Variants in ARHGAP26 observed in about 807,000 individuals in gnomAD.
ARHGAP26 encodes rho GTPase-activating protein 26.
ARHGAP26 carries 38 observed loss-of-function variants against 104.8 expected under a neutral mutation model. The ratio of observed to expected loss-of-function variants is 0.36; its 90% CI spans 0.28 to 0.48. ARHGAP26 has a LOEUF of 0.48. ARHGAP26 is among the 20% of genes least tolerant of loss of function. The pLI, the probability that ARHGAP26 is intolerant of heterozygous loss-of-function variation, is 0.99. For missense variants in ARHGAP26, 704 were observed against 947.9 expected (o/e 0.74, Z 3.38); for synonymous variants, 341 against 340.0 (o/e 1.00, Z -0.03).
At chr5:142,951,707 G>A (rs1442604200) in intron 11 of ARHGAP26, among the ~76,000 whole-genome samples, 1 of 152,182 alleles carries the variant, frequency 6.6e-6, no homozygotes, top group East Asian at 1.9e-4. Flanking sequence ...GTAGAGGAGG[G>A]CCCTATCTTA....
At chr5:142,893,693 G>C (rs574923471) in intron 5 of ARHGAP26, among the ~76,000 whole-genome samples, 4 of 152,222 alleles carry the variant, frequency 2.6e-5, no homozygotes, top group African/African-American at 9.6e-5. Flanking sequence ...CATAATAGTT[G>C]TACTAATTTA....
chr5:142,798,679 C>T (rs982742025), intron 1 of ARHGAP26, among the ~76,000 whole-genome samples: 11 of 152,186 alleles, frequency 7.2e-5, no homozygotes, highest in East Asian at 1.9e-4. Flanking sequence ...AAAGAGTTTC[C>T]GCCCAGGACC....
intron 13 of ARHGAP26, 164 bp from the exon 14 acceptor site, chr5:143,041,652 C>T (rs1220853937): frequency 6.6e-6 from 4 of 603,400 alleles, no homozygotes; most frequent in South Asian, 4.1e-5. Context: ...AAATCCCACT[C>T]GTTTGCTAAG....
chr5:143,181,387 CTG>C (rs1280602692), intron 20 of ARHGAP26, among the ~76,000 whole-genome samples: 1 of 152,262 alleles, frequency 6.6e-6, no homozygotes, highest in Non-Finnish European at 1.5e-5. Context: ...CTGGGGAACA[CTG>C]TGTTCTTAAA....
intron 17 of ARHGAP26, among the ~76,000 whole-genome samples, chr5:143,089,508 T>C (rs1177876748): frequency 6.6e-6 from 1 of 152,178 alleles, no homozygotes; most frequent in Non-Finnish European, 1.5e-5. Context: ...GGTGGTGGTG[T>C]TTTGGGATGA....
chr5:143,073,901 G>A (rs1225581542), intron 17 of ARHGAP26, among the ~76,000 whole-genome samples: 1 of 152,216 alleles, frequency 6.6e-6, no homozygotes, highest in Non-Finnish European at 1.5e-5. Context: ...ATTTTATACA[G>A]CAGGACTGGG....
chr5:142,992,134 A>AT (rs1293516153), intron 11 of ARHGAP26, among the ~76,000 whole-genome samples: 3 of 150,800 alleles, frequency 2.0e-5, no homozygotes, highest in East Asian at 2.0e-4. Flanking sequence ...TCCTTTGTAC[A>AT]TTTTTTTTCT....
intron 20 of ARHGAP26, among the ~76,000 whole-genome samples, chr5:143,163,258 A>G (rs1801491130): frequency 6.6e-6 from 1 of 152,196 alleles, no homozygotes; most frequent in Non-Finnish European, 1.5e-5. Flanking sequence ...TTAAGTGGTA[A>G]GTGAGCAGTT....
chr5:143,104,851 T>C (rs2398611), intron 17 of ARHGAP26, among the ~76,000 whole-genome samples: 118,467 of 152,204 alleles, frequency 0.78, 49,249 homozygotes, highest in Non-Finnish European at 0.92. Context: ...TATGAGTGTG[T>C]GTGTGTCTGA....
At chr5:143,135,667 G>A (rs1018013294) in intron 19 of ARHGAP26, among the ~76,000 whole-genome samples, 4 of 152,044 alleles carry the variant, frequency 2.6e-5, no homozygotes, top group African/African-American at 4.8e-5. Context: ...AGCATCATTC[G>A]GGTTGTTTCA....
chr5:142,797,934 G>A (rs1320576878), intron 1 of ARHGAP26, among the ~76,000 whole-genome samples: 4 of 152,212 alleles, frequency 2.6e-5, no homozygotes, highest in African/African-American at 9.6e-5. Context: ...TGTTCATGCT[G>A]CTGAGTTGCC....
chr5:143,018,158 A>G (rs750314586), intron 12 of ARHGAP26, among the ~76,000 whole-genome samples: 3 of 152,224 alleles, frequency 2.0e-5, no homozygotes, highest in Non-Finnish European at 4.4e-5. Context: ...TTAATTGCCT[A>G]TTCATGTCCT....
chr5:142,938,410 T>C (rs969793636), intron 11 of ARHGAP26, among the ~76,000 whole-genome samples: 3 of 152,170 alleles, frequency 2.0e-5, no homozygotes, highest in Non-Finnish European at 4.4e-5. Context: ...GTCTAAGGCT[T>C]GGGAACAGAT....
At chr5:142,985,573 G>A (rs1774580659) in intron 11 of ARHGAP26, among the ~76,000 whole-genome samples, 1 of 151,226 alleles carries the variant, frequency 6.6e-6, no homozygotes, top group African/African-American at 2.4e-5. Flanking sequence ...TGTTACATAT[G>A]TATACATGTG....
intron 1 of ARHGAP26, among the ~76,000 whole-genome samples, chr5:142,838,867 G>A (rs1338620914): frequency 6.6e-6 from 1 of 152,182 alleles, no homozygotes; most frequent in Non-Finnish European, 1.5e-5. Flanking sequence ...CTGTAGAACT[G>A]GATAGGGACA....
chr5:142,991,571 C>G (rs1451152486), intron 11 of ARHGAP26, among the ~76,000 whole-genome samples: 1 of 152,156 alleles, frequency 6.6e-6, no homozygotes, highest in Non-Finnish European at 1.5e-5. Flanking sequence ...GGAGCTGTTC[C>G]TATTTGGCCA....
At chr5:142,890,650 G>C (rs1758530716) in intron 5 of ARHGAP26, among the ~76,000 whole-genome samples, 1 of 152,154 alleles carries the variant, frequency 6.6e-6, no homozygotes, top group East Asian at 1.9e-4. Context: ...TAGTAGCCCA[G>C]AGATGATGTG....
chr5:142,774,836 T>A (rs891918176), intron 1 of ARHGAP26, among the ~76,000 whole-genome samples: 2 of 152,196 alleles, frequency 1.3e-5, no homozygotes, highest in Non-Finnish European at 2.9e-5. Flanking sequence ...TTAAACAGTA[T>A]GTGGCCTTTG....
At chr5:142,936,791 A>T (rs929904419) in intron 11 of ARHGAP26, among the ~76,000 whole-genome samples, 3 of 151,788 alleles carry the variant, frequency 2.0e-5, no homozygotes, top group Admixed American at 2.0e-4. Context: ...TTTTTTTGAG[A>T]AATGGTGCTT....
Sources: gnomAD v4.1 joint callset for allele counts (sites outside exome capture counted in the v4.1 genomes callset) on GRCh38, gnomAD v4.1.1 for gene constraint, MANE v1.5 for transcripts, NCBI Gene and HGNC (gene_info 2026-07-23, HGNC 2026-07-21) for gene names.